PPM1B: variants seen among roughly 807,000 people sequenced by gnomAD.
The protein encoded by PPM1B is protein phosphatase 1B.
PPM1B carries 22 observed loss-of-function variants against 43.0 expected under a neutral mutation model. That is an observed-to-expected ratio of 0.51 (90% CI 0.37 to 0.73). The LOEUF is 0.73. PPM1B is among the 30% of genes least tolerant of loss of function. The probability of loss-of-function intolerance (pLI) is 0.00; values close to 1 mark genes in which losing one functional copy is unlikely to be tolerated. For synonymous variants in PPM1B, 217 were observed against 197.9 expected (o/e 1.10, Z -0.81); for missense variants, 632 against 584.2 (o/e 1.08, Z -0.84).
At chr2:44,227,103 A>G (rs972359637) in intron 5 of PPM1B, among the ~76,000 whole-genome samples, 7 of 151,622 alleles carry the variant, frequency 4.6e-5, no homozygotes, top group Admixed American at 1.3e-4. Flanking sequence ...CTTCCCAAGT[A>G]GCTGGGACCA....
chr2:44,220,929 A>T (rs922809155), intron 5 of PPM1B, among the ~76,000 whole-genome samples: 2 of 152,258 alleles, frequency 1.3e-5, no homozygotes, highest in Admixed American at 1.3e-4. Context: ...AAGAAAGGAC[A>T]TCTTTTTTGG....
chr2:44,169,249 G>C lies in PPM1B; in HGVS notation c.-40G>C, dbSNP rs928109297. ...CGGCGGGCGCGAGCGAGGCGCCCTA[G>C]ACATCTTCTCCCTCCCTTGCCTCAG... On this transcript the variant is annotated 5_prime_UTR_variant, in exon 1 of 6. Coordinates refer to ENST00000282412, the MANE Select transcript of PPM1B (RefSeq NM_002706.6). 5.8e-5 allele frequency: 9 copies of C among 154,100 alleles called. No homozygotes were observed. The highest frequency in any genetic ancestry group is 2.2e-4 in the African/African-American group (9 of 41,464). 9.5% of individuals were successfully genotyped at this position (154,100 alleles called of 1,614,324 possible). A position where few individuals can be genotyped will look rare whatever the true frequency, so the allele number is the denominator to read the frequency against.
chr2:44,173,963 C>G (rs1430651146), intron 1 of PPM1B, among the ~76,000 whole-genome samples: 6 of 152,146 alleles, frequency 3.9e-5, no homozygotes, highest in Non-Finnish European at 8.8e-5. Context: ...TAATAATACT[C>G]TTTGTAATAA....
chr2:44,241,580 A>C (rs1670744713), intron 5 of PPM1B, among the ~76,000 whole-genome samples: 1 of 141,466 alleles, frequency 7.1e-6, no homozygotes, highest in Non-Finnish European at 1.6e-5. Flanking sequence ...AAAAATACAA[A>C]AATTAGCCAG....
At chr2:44,183,157 T>C (rs1229830797) in intron 1 of PPM1B, among the ~76,000 whole-genome samples, 3 of 152,242 alleles carry the variant, frequency 2.0e-5, no homozygotes, top group South Asian at 2.1e-4. Flanking sequence ...TTGGGTCTTA[T>C]AACAGTTTGT....
At chr2:44,217,844 T>G in intron 3 of PPM1B, 123 bp from the exon 4 acceptor site, 1 of 500,846 alleles carries the variant, frequency 2.0e-6, no homozygotes, top group Non-Finnish European at 3.4e-6. Context: ...TTTTTGTGTG[T>G]TGATGGTAAT....
At chr2:44,171,271 A>C (rs1667328110) in intron 1 of PPM1B, among the ~76,000 whole-genome samples, 2 of 152,202 alleles carry the variant, frequency 1.3e-5, no homozygotes, top group African/African-American at 4.8e-5. Context: ...GTTTTATGTT[A>C]GTAATTCACC....
At chr2:44,204,951 T>G (rs1669105267) in intron 2 of PPM1B, among the ~76,000 whole-genome samples, 2 of 151,928 alleles carry the variant, frequency 1.3e-5, no homozygotes, top group South Asian at 4.1e-4. Context: ...TGGTCAGGTA[T>G]TATCCTATTT....
At chr2:44,219,416 C>G (rs919635613) in intron 5 of PPM1B, among the ~76,000 whole-genome samples, 1 of 152,074 alleles carries the variant, frequency 6.6e-6, no homozygotes, top group African/African-American at 2.4e-5. Flanking sequence ...GGCTAGAAAT[C>G]ATATGTCATC....
At chr2:44,228,519 C>T (rs1670327185) in intron 5 of PPM1B, among the ~76,000 whole-genome samples, 1 of 152,112 alleles carries the variant, frequency 6.6e-6, no homozygotes, top group Non-Finnish European at 1.5e-5. Context: ...TCTCATTTTT[C>T]TAATAAAACA....
At chr2:44,234,544 A>G (rs939421152), downstream of PPM1B, 4 of 969,680 alleles carry the variant, frequency 4.1e-6, no homozygotes, top group Non-Finnish European at 2.5e-6. Flanking sequence ...AAAAAAAAAA[A>G]CTTTTCCGGC....
intron 5 of PPM1B, among the ~76,000 whole-genome samples, chr2:44,241,982 C>T (rs1670756725): frequency 6.6e-6 from 1 of 150,712 alleles, no homozygotes; most frequent in Admixed American, 6.7e-5. Flanking sequence ...CCCCAGCCTT[C>T]CGAGTAGCTG....
At chr2:44,183,094 T>A (rs10170588) in intron 1 of PPM1B, among the ~76,000 whole-genome samples, 90,328 of 152,064 alleles carry the variant, frequency 0.59, 27,132 homozygotes, top group Admixed American at 0.68. Context: ...CATCTCAGGA[T>A]CTTCAGAAGC....
At position 44,204,053 on chromosome 2, in the gene PPM1B, T is replaced by A. The variant is rs529996234; in HGVS notation, c.846+2008T>A. ...AGGAATGATAATAACAGACAAGAAG[T>A]TGGGGCCCATGATTCATTCAATGTT... On this transcript the variant is annotated intron_variant, in intron 2 of 5. Transcript: ENST00000282412. Among the ~76,000 whole-genome samples the A allele has an allele frequency of 2.0e-5, 3 of 152,258 alleles. No individual in the cohort carries two copies. The South Asian group carries it at 6.2e-4, about 32-fold the overall frequency.
Position 44,169,095 on chromosome 2 carries a change from A to G in PPM1B, c.-194A>G, listed in dbSNP as rs1003748616. On this transcript the variant is annotated 5_prime_UTR_variant, in exon 1 of 6. Coordinates refer to ENST00000282412, the MANE Select transcript of PPM1B (RefSeq NM_002706.6). ...GGCGCTAGGGTGGAGAGAAGGCGGCATCGGCGGCGGCGGCGGCGTGAGGGG... is the reference window on the plus strand; with the variant it reads ...GGCGCTAGGGTGGAGAGAAGGCGGCGTCGGCGGCGGCGGCGGCGTGAGGGG... 7 of 184,854 alleles carry G rather than the reference A, an allele frequency of 3.8e-5. No homozygotes were observed. Among genetic ancestry groups the G allele is most frequent in the South Asian group, 7.9e-5 (1 of 12,660 alleles). The allele number at this position is 184,854 out of a possible 1,614,324, so 11.5% of individuals were successfully genotyped here. A position where few individuals can be genotyped will look rare whatever the true frequency, so the allele number is the denominator to read the frequency against.
chr2:44,181,210 A>G (rs1667859206), intron 1 of PPM1B, among the ~76,000 whole-genome samples: 1 of 152,190 alleles, frequency 6.6e-6, no homozygotes, highest in Non-Finnish European at 1.5e-5. Context: ...TGGCCTCCAG[A>G]AGTGCTGGGA....
At chr2:44,173,999 G>C (rs1179226490) in intron 1 of PPM1B, among the ~76,000 whole-genome samples, 1 of 152,146 alleles carries the variant, frequency 6.6e-6, no homozygotes, top group Non-Finnish European at 1.5e-5. Flanking sequence ...GAACCTTGTA[G>C]CTTAATCAAT....
At chr2:44,184,830 T>C (rs1477429624) in intron 1 of PPM1B, among the ~76,000 whole-genome samples, 2 of 151,904 alleles carry the variant, frequency 1.3e-5, no homozygotes, top group Non-Finnish European at 2.9e-5. Flanking sequence ...TCTTCAATTA[T>C]CAATGTAGTA....
At chr2:44,230,264 G>A in intron 5 of PPM1B, 149 bp from the exon 6 acceptor site, 1 of 1,461,538 alleles carries the variant, frequency 6.8e-7, no homozygotes, top group South Asian at 1.5e-5. Flanking sequence ...AATTGATACA[G>A]GTAAGAATTG....
Sources: allele counts gnomAD v4.1 joint callset (sites outside exome capture counted in the v4.1 genomes callset), GRCh38; gene constraint gnomAD v4.1.1; transcripts MANE v1.5; gene names NCBI Gene and HGNC (gene_info 2026-07-23, HGNC 2026-07-21).